The following SYBU variants were observed in gnomAD, a reference collection of about 807,000 sequenced individuals.
The protein encoded by SYBU is GOLSYN A protein.
A neutral mutation model predicts 35.9 loss-of-function variants in SYBU; 21 were observed. The ratio of observed to expected loss-of-function variants is 0.58; its 90% CI spans 0.41 to 0.84. SYBU has a LOEUF of 0.84. Ranked by LOEUF, SYBU falls within the 40% of genes least tolerant of loss-of-function variation. SYBU has a pLI of 0.00. For synonymous variants in SYBU, 319 were observed against 324.3 expected, an observed-to-expected ratio of 0.98 and a Z score of 0.18; for missense variants, 768 against 848.2, an observed-to-expected ratio of 0.91 and a Z score of 1.17.
At chr8:109,646,399 G>T (rs1432804628), upstream of SYBU, 1 of 152,176 alleles carries the variant, frequency 6.6e-6, no homozygotes, top group African/African-American at 2.4e-5. Context: ...CAGAGGATTA[G>T]TGGAATCAAT....
chr8:109,656,124 A>G (rs1323837740), intron 1 of SYBU, among the ~76,000 whole-genome samples: 1 of 152,230 alleles, frequency 6.6e-6, no homozygotes. Context: ...TCAAAAAAAA[A>G]AAAAATTACA....
chr8:109,592,217 C>T (rs1824363148), intron 3 of SYBU, among the ~76,000 whole-genome samples: 5 of 152,072 alleles, frequency 3.3e-5, no homozygotes, highest in Admixed American at 3.3e-4. Context: ...ATGCTTTTTT[C>T]TACTCATACA....
chr8:109,577,100 C>T (rs1427068128), intron 6 of SYBU, among the ~76,000 whole-genome samples: 1 of 152,128 alleles, frequency 6.6e-6, no homozygotes, highest in Non-Finnish European at 1.5e-5. Flanking sequence ...TGCACCCTTA[C>T]CTGCCCACAG....
intron 1 of SYBU, among the ~76,000 whole-genome samples, chr8:109,679,443 A>G (rs1817321826): frequency 6.6e-6 from 1 of 152,238 alleles, no homozygotes; most frequent in Admixed American, 6.5e-5. Context: ...TTTCTTGTGC[A>G]AGATCCAAGA....
chr8:109,687,741 T>C (rs947956069), intron 1 of SYBU, among the ~76,000 whole-genome samples: 1 of 152,152 alleles, frequency 6.6e-6, no homozygotes, highest in Non-Finnish European at 1.5e-5. Context: ...ATATGGACTT[T>C]GATGAGGCAT....
In SYBU at chr8:109,622,181, G is replaced by GTATCTATCTATC. The variant is rs33965004; in HGVS notation, c.230-3154_230-3143dup. ...TTCATTAAACAATAAAATAATATGA[G>GTATCTATCTATC]TATCTATCTATCTATCTATCTATCT... On this transcript the variant is annotated intron_variant, in intron 2 of 6. Transcript: ENST00000276646. Among the ~76,000 whole-genome samples the GTATCTATCTATC allele has an allele frequency of 3.5e-3, 510 of 146,470 alleles. 4 individuals carry two copies. Among genetic ancestry groups the GTATCTATCTATC allele is most frequent in the South Asian group, 9.3e-3 (41 of 4,432 alleles).
upstream of SYBU, chr8:109,644,917 A>T (rs1381714166): frequency 1.9e-6 from 1 of 540,534 alleles, no homozygotes; most frequent in Admixed American, 3.1e-5. Flanking sequence ...GCCCTCCCTC[A>T]CCTGCGGCCT....
At chr8:109,626,207 G>A (rs1812964471) in intron 2 of SYBU, among the ~76,000 whole-genome samples, 1 of 152,164 alleles carries the variant, frequency 6.6e-6, no homozygotes, top group South Asian at 2.1e-4. Flanking sequence ...ACTTGATAAT[G>A]TTTTTGACAT....
chr8:109,607,847 CACACACAG>C, intron 3 of SYBU: 1 of 903,798 alleles, frequency 1.1e-6, no homozygotes, highest in Non-Finnish European at 1.7e-6. Flanking sequence ...CACACACACA[CACACACAG>C]TCTAGCCTCT....
intron 6 of SYBU, among the ~76,000 whole-genome samples, chr8:109,577,000 C>G (rs915418299): frequency 7.9e-5 from 12 of 152,122 alleles, no homozygotes; most frequent in African/African-American, 2.9e-4. Context: ...TCTGACTCAC[C>G]CCAGAGGGGA....
Position 109,593,582 on chromosome 8 carries a change from C to T in SYBU, c.428-7420G>A, listed in dbSNP as rs557173512. 7.3e-4 allele frequency among the ~76,000 whole-genome samples: 111 copies of T among 152,338 alleles called. No individual in the cohort carries two copies. The Middle Eastern group carries it at 0.01, about 14-fold the overall frequency. ...CAGTTGGTTCATGGTTCAAAGTCCT[C>T]ATAATCCTGTTGTAAAAGAGAAGGG... On this transcript the variant is annotated intron_variant, in intron 3 of 6. Coordinates refer to ENST00000276646, the MANE Select transcript of SYBU (RefSeq NM_001099754.2).
chr8:109,652,112 A>G (rs1816167911), intron 1 of SYBU, among the ~76,000 whole-genome samples: 2 of 152,198 alleles, frequency 1.3e-5, no homozygotes, highest in East Asian at 1.9e-4. Context: ...CAAGTGTCCC[A>G]AGGTCTAATA....
chr8:109,689,112 T>A (rs186190696), intron 1 of SYBU, among the ~76,000 whole-genome samples: 2 of 152,186 alleles, frequency 1.3e-5, no homozygotes, highest in Non-Finnish European at 2.9e-5. Context: ...TGGAATTTGA[T>A]GTACTTACAA....
upstream of SYBU, among the ~76,000 whole-genome samples, chr8:109,683,720 C>T (rs759791084): frequency 1.3e-4 from 20 of 152,098 alleles, no homozygotes; most frequent in African/African-American, 2.2e-4. Context: ...CTGTGTCCGT[C>T]GCTCAAATCC....
chr8:109,664,510 C>T (rs1816687537), intron 1 of SYBU, among the ~76,000 whole-genome samples: 1 of 152,152 alleles, frequency 6.6e-6, no homozygotes, highest in Non-Finnish European at 1.5e-5. Context: ...ATTTATCTAA[C>T]TCATTTAACC....
Position 109,586,046 on chromosome 8 carries a change from G to A in SYBU, c.530+14C>T, listed in dbSNP as rs750103070. On this transcript the variant is annotated intron_variant, in intron 4 of 6. Coordinates refer to ENST00000276646, the MANE Select transcript of SYBU (RefSeq NM_001099754.2). The stretch of plus-strand genomic sequence containing the variant: ...GTAAAGCGTCTTAATTACAGAGCAG[G>A]AGATGGTGCCTACTTGCGTGAAGAA... 2 of 1,595,248 alleles carry A rather than the reference G, an allele frequency of 1.3e-6. No homozygotes were observed. Among genetic ancestry groups the A allele is most frequent in the South Asian group, 2.3e-5 (2 of 88,060 alleles).
chr8:109,647,846 G>A (rs1363684681), upstream of SYBU: 2 of 152,212 alleles, frequency 1.3e-5, no homozygotes, highest in Non-Finnish European at 2.9e-5. Context: ...TAGCAACCTA[G>A]CAGAGGGAAA....
intron 1 of SYBU, 109 bp from the exon 2 acceptor site, chr8:109,643,041 T>G: frequency 6.9e-7 from 1 of 1,444,340 alleles, no homozygotes; most frequent in South Asian, 1.5e-5. Context: ...TTCTGAGTAT[T>G]GAGTCTTCAC....
At chr8:109,628,994 C>T (rs1431819527) in intron 2 of SYBU, among the ~76,000 whole-genome samples, 1 of 151,866 alleles carries the variant, frequency 6.6e-6, no homozygotes, top group Non-Finnish European at 1.5e-5. Context: ...ACACAAAAGG[C>T]AGGAAAAACA....
Sources: gnomAD v4.1 joint callset for allele counts (sites outside exome capture counted in the v4.1 genomes callset) on GRCh38, gnomAD v4.1.1 for gene constraint, MANE v1.5 for transcripts, NCBI Gene and HGNC (gene_info 2026-07-23, HGNC 2026-07-21) for gene names.